The following LRP2 variants were observed in gnomAD, a reference collection of about 807,000 sequenced individuals.
LRP2 encodes the protein LDL receptor related protein 2.
Under a neutral mutation model 531.0 loss-of-function variants are expected in LRP2, and 172 were observed. That is an observed-to-expected ratio of 0.32 (90% CI 0.29 to 0.37). The LOEUF is 0.37. LRP2 is among the 10% of genes least tolerant of loss of function. LRP2 has a pLI of 1.00. For synonymous variants in LRP2, 1,992 were observed against 2,027.6 expected, an observed-to-expected ratio of 0.98 and a Z score of 0.47; for missense variants, 5,167 against 5,868.3, an observed-to-expected ratio of 0.88 and a Z score of 3.90.
chr2:169,349,911 G>C (rs1205961115), intron 1 of LRP2, among the ~76,000 whole-genome samples: 1 of 152,144 alleles, frequency 6.6e-6, no homozygotes, highest in Admixed American at 6.5e-5. Context: ...ACTTGAGTAT[G>C]ACAGAAACCA....
chr2:169,290,879 T>G lies in LRP2; in HGVS notation c.888A>C (p.Glu296Asp). The G allele has an allele frequency of 6.2e-7, 1 of 1,614,196 alleles. No homozygotes were observed. The highest frequency in any genetic ancestry group is 8.5e-7 in the Non-Finnish European group (1 of 1,180,020). The change falls in exon 8 of 79, where the codon GAA becomes GAC. Residue 296 changes from glutamate (E) to aspartate (D), a missense_variant. Glu to Asp is a conservative substitution (Grantham distance 45). This residue lies in a region of LRP2 where 2,811 missense variants were observed against 3,058.0 expected (regional missense o/e 0.92). Coordinates refer to ENST00000649046, the MANE Select transcript of LRP2 (RefSeq NM_004525.3). ...CDGILDCPGR[E>D]DENNTSTGKY... Reference sequence around the variant, plus strand: ...TTCCGGTACTAGTGTTGTTTTCATCTTCTCTTCCTGGGCAATCTAAAATCC... The same window carrying G: ...TTCCGGTACTAGTGTTGTTTTCATCGTCTCTTCCTGGGCAATCTAAAATCC...
rs1328178592 is a variant in LRP2 at position 169,216,500 on chromosome 2, A to G, written c.5649-70T>C. 1.2e-5 allele frequency: 18 copies of G among 1,465,202 alleles called. No homozygotes were observed. The Admixed American group carries it at 3.0e-4, about 25-fold the overall frequency. The allele number at this position is 1,465,202 out of a possible 1,614,324, so 90.8% of individuals were successfully genotyped here. A position where few individuals can be genotyped will look rare whatever the true frequency, so the allele number is the denominator to read the frequency against. On this transcript the variant is annotated intron_variant, in intron 34 of 78. Coordinates refer to ENST00000649046, the MANE Select transcript of LRP2 (RefSeq NM_004525.3). ...ATTTGAGTCAGTGACATAAATGACA[A>G]TGTGTATTACTTGTCCTCAAGATGC...
intron 75 of LRP2, among the ~76,000 whole-genome samples, chr2:169,137,894 C>T (rs1302515882): frequency 1.3e-5 from 2 of 151,804 alleles, no homozygotes; most frequent in Non-Finnish European, 2.9e-5. Context: ...ATATAATATT[C>T]TCAGGGAAGG....
Position 169,206,970 on chromosome 2 carries a change from C to A in LRP2, c.6750G>T (p.Trp2250Cys), listed in dbSNP as rs1216742464. Residue 2250 changes from tryptophan to cysteine, a missense_variant, in exon 39 of 79, where the codon TGG becomes TGT. Coordinates refer to ENST00000649046, the MANE Select transcript of LRP2 (RefSeq NM_004525.3). Reference protein sequence around the residue: ...AVDRSDGYVYWVDDSLDIIAR... With the variant: ...AVDRSDGYVYCVDDSLDIIAR... ...CAATTATATCTAAAGAATCATCAAC[C>A]CAATAAACGTAGCCATCACTTCGGT... 4 of 1,614,074 alleles carry A rather than the reference C, an allele frequency of 2.5e-6. No individual in the cohort carries two copies. The African/African-American group carries it at 5.3e-5, about 22-fold the overall frequency.
At chr2:169,212,395 A>G (rs1190993055) in intron 36 of LRP2, among the ~76,000 whole-genome samples, 188 bp from the exon 37 acceptor site, 1 of 152,196 alleles carries the variant, frequency 6.6e-6, no homozygotes, top group Non-Finnish European at 1.5e-5. Flanking sequence ...TAAAGGTATG[A>G]AACCAGTAAC....
At chr2:169,268,308 A>G (rs191954166) in intron 16 of LRP2, among the ~76,000 whole-genome samples, 1,633 of 152,316 alleles carry the variant, frequency 0.011, 27 homozygotes, top group South Asian at 0.079. Flanking sequence ...CAACAAAAAA[A>G]GAGAATTTTA....
Position 169,181,589 on chromosome 2 carries a change from CGG to C in LRP2, c.10026_10027del (p.His3342GlnfsTer26). 6.2e-7 allele frequency: 1 copy of C among 1,614,052 alleles called. No individual in the cohort carries two copies. Among genetic ancestry groups the C allele is most frequent in the Non-Finnish European group, 8.5e-7 (1 of 1,180,006 alleles). On this transcript the variant is annotated frameshift_variant, in exon 52 of 79. Transcript: ENST00000649046. LOFTEE classifies it high-confidence loss of function. Reference sequence around the variant, plus strand: ...CATGCCTACTCTCCCAATGTATGCGCGGTGACCCCAGTCTGCCCAGTAGAGGT... The same window carrying C: ...CATGCCTACTCTCCCAATGTATGCGCTGACCCCAGTCTGCCCAGTAGAGGT...
intron 77 of LRP2, 89 bp from the exon 78 acceptor site, chr2:169,129,173 CT>C: frequency 1.0e-6 from 1 of 991,296 alleles, no homozygotes; most frequent in East Asian, 2.4e-5. Context: ...AAAATTTCTT[CT>C]TACTGAAGGG....
rs199937976 is a variant in LRP2 at position 169,237,071 on chromosome 2, C to G, written c.4691+32G>C. ...TGTTTTTCCCTCATCATAACCATGTCAAGGCAACATAATTTTAAAAAAAAG... is the reference window on the plus strand; with the variant it reads ...TGTTTTTCCCTCATCATAACCATGTGAAGGCAACATAATTTTAAAAAAAAG... On this transcript the variant is annotated intron_variant, in intron 28 of 78. Coordinates refer to ENST00000649046, the MANE Select transcript of LRP2 (RefSeq NM_004525.3). 1.9e-6 allele frequency: 3 copies of G among 1,570,660 alleles called. No homozygotes were observed. The Admixed American group carries it at 5.0e-5, about 26-fold the overall frequency.
At chr2:169,336,649 C>G (rs1346635149) in intron 1 of LRP2, among the ~76,000 whole-genome samples, 9 of 152,120 alleles carry the variant, frequency 5.9e-5, no homozygotes, top group Admixed American at 3.9e-4. Context: ...TACCACCCTC[C>G]AAAGTATTCT....
Position 169,178,036 on chromosome 2 carries a change from TA to T in LRP2, c.10170-11del. The stretch of plus-strand genomic sequence containing the variant: ...CTCCAAATCAGAGTACCTGCAGCAG[TA>T]AGCAGAAACAGTTATGTGATAAAGG... On this transcript the variant is annotated splice_polypyrimidine_tract_variant and intron_variant, in intron 52 of 78. Transcript: ENST00000649046. 6.3e-7 allele frequency: 1 copy of T among 1,598,004 alleles called. No individual in the cohort carries two copies. Among genetic ancestry groups the T allele is most frequent in the Non-Finnish European group, 8.6e-7 (1 of 1,166,570 alleles).
Position 169,206,453 on chromosome 2 carries a change from A to G in LRP2, c.7267T>C (p.Ser2423Pro). ...QTINVERTVM[S>P]LDYDSVSDRI... ...TCACTTACACTGTCATAGTCTAGAG[A>G]CATGACAGTTCTTTCCACATTTATT... The change falls in exon 39 of 79, where the codon TCT becomes CCT. Residue 2423 changes from serine (S) to proline (P), a missense_variant. Coordinates refer to ENST00000649046, the MANE Select transcript of LRP2 (RefSeq NM_004525.3). 6.2e-7 allele frequency: 1 copy of G among 1,613,768 alleles called. No homozygotes were observed. Among genetic ancestry groups the G allele is most frequent in the Non-Finnish European group, 8.5e-7 (1 of 1,179,664 alleles).
intron 46 of LRP2, among the ~76,000 whole-genome samples, chr2:169,194,675 C>T (rs116446768): frequency 5.5e-5 from 8 of 146,746 alleles, no homozygotes; most frequent in Admixed American, 5.4e-4. Context: ...GAAACAGGCT[C>T]TTTCAGAAGC....
rs761522865 is a variant in LRP2 at position 169,206,660 on chromosome 2, A to G, written c.7060T>C (p.Ser2354Pro). Reference protein sequence around the residue: ...NPCLENNGGCSHLCFALPGLH... With the variant: ...NPCLENNGGCPHLCFALPGLH... ...CCAGGCAGAGCAAAGCAGAGATGAGAGCACCCACCATTGTTTTCCAAGCAA... is the reference window on the plus strand; with the variant it reads ...CCAGGCAGAGCAAAGCAGAGATGAGGGCACCCACCATTGTTTTCCAAGCAA... Residue 2354 changes from serine to proline, a missense_variant, in exon 39 of 79, where the codon TCT becomes CCT. This residue lies in a region of LRP2 where 2,811 missense variants were observed against 3,058.0 expected (regional missense o/e 0.92). Transcript: ENST00000649046. The G allele has an allele frequency of 1.5e-5, 25 of 1,613,978 alleles. No individual in the cohort carries two copies. Among genetic ancestry groups the G allele is most frequent in the African/African-American group, 4.0e-5 (3 of 74,902 alleles).
chr2:169,206,543 C>T lies in LRP2; in HGVS notation c.7177G>A (p.Ala2393Thr). ...AAGCTTCTCAAGGAATTAGACAAGGCAAAGATGAGGAAATTTTCTGTTGAA... is the reference window on the plus strand; with the variant it reads ...AAGCTTCTCAAGGAATTAGACAAGGTAAAGATGAGGAAATTTTCTGTTGAA... ...AISTENFLIF[A>T]LSNSLRSLHL... Residue 2393 changes from alanine to threonine, a missense_variant, in exon 39 of 79, where the codon GCC becomes ACC. Transcript: ENST00000649046. The T allele has an allele frequency of 1.2e-6, 2 of 1,614,160 alleles. No homozygotes were observed. Among genetic ancestry groups the T allele is most frequent in the East Asian group, 2.2e-5 (1 of 44,880 alleles).
At position 169,256,251 on chromosome 2, in the gene LRP2, T is replaced by C. The variant is rs1178219244; in HGVS notation, c.2640-15A>G. The C allele has an allele frequency of 6.2e-7, 1 of 1,608,102 alleles. No homozygotes were observed. Among genetic ancestry groups the C allele is most frequent in the East Asian group, 2.2e-5 (1 of 44,772 alleles). ...ATCGTGAAGCACTAAAATAATAAAATATTTAGTTATCTCTTATCCAAAAAC... is the reference window on the plus strand; with the variant it reads ...ATCGTGAAGCACTAAAATAATAAAACATTTAGTTATCTCTTATCCAAAAAC... On this transcript the variant is annotated splice_polypyrimidine_tract_variant and intron_variant, in intron 18 of 78. Coordinates refer to ENST00000649046, the MANE Select transcript of LRP2 (RefSeq NM_004525.3).
intron 48 of LRP2, 130 bp from the exon 49 acceptor site, chr2:169,188,395 G>A: frequency 1.2e-6 from 1 of 845,566 alleles, no homozygotes. Context: ...GATCACCAGT[G>A]TCCTTGATCC....
chr2:169,183,598 T>C (rs1409568025), intron 50 of LRP2, among the ~76,000 whole-genome samples: 2 of 152,222 alleles, frequency 1.3e-5, no homozygotes. Flanking sequence ...TAGGGCACTC[T>C]ACTCTGTTGA....
chr2:169,294,344 C>T, intron 5 of LRP2, 83 bp from the exon 6 acceptor site: 1 of 901,016 alleles, frequency 1.1e-6, no homozygotes, highest in Non-Finnish European at 1.9e-6. Context: ...AGAGCATCTC[C>T]AGTTTAAAAA....
Sources: allele counts gnomAD v4.1 joint callset (sites outside exome capture counted in the v4.1 genomes callset), GRCh38; gene constraint gnomAD v4.1.1; regional missense constraint gnomAD v4.1.1; transcripts MANE v1.5; gene names NCBI Gene and HGNC (gene_info 2026-07-23, HGNC 2026-07-21).